Variants in DENND5A observed in about 807,000 individuals in gnomAD.
DENND5A encodes DENN domain-containing protein 5A.
In DENND5A, 64 loss-of-function variants were observed where a neutral mutation model predicts 140.3. That is an observed-to-expected ratio of 0.46 (90% CI 0.37 to 0.56). The LOEUF is 0.56. DENND5A is among the 20% of genes least tolerant of loss of function. The pLI is 0.00. For synonymous variants in DENND5A, 605 were observed against 607.7 expected, an observed-to-expected ratio of 1.00 and a Z score of 0.07; for missense variants, 1,292 against 1,593.8, an observed-to-expected ratio of 0.81 and a Z score of 3.22.
At chr11:9,244,264 A>C (rs1851369531) in intron 1 of DENND5A, among the ~76,000 whole-genome samples, 1 of 152,244 alleles carries the variant, frequency 6.6e-6, no homozygotes, top group African/African-American at 2.4e-5. Flanking sequence ...AGGTGTTGCC[A>C]ATGTGATAGT....
chr11:9,148,323 T>C (rs1847498838), intron 15 of DENND5A, among the ~76,000 whole-genome samples: 1 of 151,176 alleles, frequency 6.6e-6, no homozygotes, highest in Admixed American at 6.6e-5. Context: ...GTTAAGCTAC[T>C]GTACCAAAGG....
chr11:9,145,963 G>A, intron 16 of DENND5A, 148 bp from the exon 17 acceptor site: 1 of 831,614 alleles, frequency 1.2e-6, no homozygotes, highest in Non-Finnish European at 1.9e-6. Flanking sequence ...AGGGCCCCAG[G>A]ACCTAGTCCC....
chr11:9,139,684 C>G lies in DENND5A; in HGVS notation c.3851G>C (p.Gly1284Ala), dbSNP rs1245909183. 3 of 1,613,498 alleles carry G rather than the reference C, an allele frequency of 1.9e-6. No homozygotes were observed. The highest frequency in any genetic ancestry group is 2.5e-6 in the Non-Finnish European group (3 of 1,179,786). Reference sequence around the variant, plus strand: ...GGTGCTGGGAGGTCAGATGTCGATGCCCTTGACAAGGGACGTCTCCAGCGT... The same window carrying G: ...GGTGCTGGGAGGTCAGATGTCGATGGCCTTGACAAGGGACGTCTCCAGCGT... ...NITLETSLVKGIDI is the reference protein window; with the variant it reads ...NITLETSLVKAIDI The change falls in exon 23 of 23, where the codon GGC (glycine) becomes GCC (alanine). Residue 1284 changes from glycine to alanine, a missense_variant. Gly to Ala is a moderately conservative substitution (Grantham distance 60, BLOSUM62 0). Transcript: ENST00000328194.
At chr11:9,222,427 T>C (rs949762754) in intron 1 of DENND5A, among the ~76,000 whole-genome samples, 3 of 152,194 alleles carry the variant, frequency 2.0e-5, no homozygotes, top group African/African-American at 7.2e-5. Flanking sequence ...TTGAAACCTT[T>C]TAGATCACTA....
At chr11:9,216,785 T>C (rs1478816911) in intron 1 of DENND5A, among the ~76,000 whole-genome samples, 2 of 152,160 alleles carry the variant, frequency 1.3e-5, no homozygotes, top group African/African-American at 2.4e-5. Flanking sequence ...GGTGGAGGGA[T>C]TGCTTGAGCC....
chr11:9,163,148 C>G (rs1848047517), intron 11 of DENND5A, among the ~76,000 whole-genome samples: 1 of 152,168 alleles, frequency 6.6e-6, no homozygotes, highest in Non-Finnish European at 1.5e-5. Flanking sequence ...GATTGGCTTT[C>G]TCAACTGATT....
intron 3 of DENND5A, 129 bp downstream of exon 3, chr11:9,206,544 A>G: frequency 1.4e-6 from 1 of 699,716 alleles, no homozygotes; most frequent in Non-Finnish European, 2.5e-6. Context: ...AATAAACAAT[A>G]TGCATTATAA....
intron 1 of DENND5A, among the ~76,000 whole-genome samples, chr11:9,263,303 C>T (rs1247596841): frequency 6.6e-6 from 1 of 151,548 alleles, no homozygotes; most frequent in Non-Finnish European, 1.5e-5. Context: ...TCACTGCAAC[C>T]TCCCCCTCCT....
intron 5 of DENND5A, among the ~76,000 whole-genome samples, chr11:9,181,614 T>C (rs556923408): frequency 2.6e-5 from 4 of 152,172 alleles, no homozygotes; most frequent in South Asian, 4.2e-4. Context: ...GGCATGCACC[T>C]ACAGTCCCAG....
chr11:9,176,553 TG>T (rs1848551102), intron 8 of DENND5A, among the ~76,000 whole-genome samples: 1 of 152,138 alleles, frequency 6.6e-6, no homozygotes, highest in Non-Finnish European at 1.5e-5. Flanking sequence ...GCCAGAAGAA[TG>T]GGGGTAAGAA....
Position 9,230,302 on chromosome 11 carries a change from G to A in DENND5A, c.110-22670C>T, listed in dbSNP as rs540379482. Among the ~76,000 whole-genome samples, 5 of 124,930 alleles carry A rather than the reference G, an allele frequency of 4.0e-5. No homozygotes were observed. In the South Asian group the frequency reaches 7.9e-4, roughly 20 times the overall value. The allele number at this position is 124,930 out of a possible 152,430, so 82.0% of individuals were successfully genotyped here. A position where few individuals can be genotyped will look rare whatever the true frequency, so the allele number is the denominator to read the frequency against. On this transcript the variant is annotated intron_variant, in intron 1 of 22. Coordinates refer to ENST00000328194, the MANE Select transcript of DENND5A (RefSeq NM_015213.4). ...TTCACCCAGGCCAAAGTGCAGTGGTGCAAACAGAGCTCACTACAATCTCAA... is the reference window on the plus strand; with the variant it reads ...TTCACCCAGGCCAAAGTGCAGTGGTACAAACAGAGCTCACTACAATCTCAA...
chr11:9,205,289 A>C (rs1398140529), intron 3 of DENND5A, among the ~76,000 whole-genome samples: 1 of 152,204 alleles, frequency 6.6e-6, no homozygotes, highest in Non-Finnish European at 1.5e-5. Flanking sequence ...TGAATCAATC[A>C]GTTCCCATTT....
Position 9,144,098 on chromosome 11 carries a change from G to A in DENND5A, c.3303C>T (p.Pro1101=). 5.6e-6 allele frequency: 9 copies of A among 1,612,656 alleles called. No individual in the cohort carries two copies. Among genetic ancestry groups the A allele is most frequent in the Non-Finnish European group, 7.6e-6 (9 of 1,179,330 alleles). The change falls in exon 19 of 23, where the codon CCC becomes CCT. Residue 1101 remains proline (P), a splice_region_variant and synonymous_variant. Transcript: ENST00000328194. The part of the protein sequence containing the change: ...RLVTISPNNK[P]KLNTGQIQES... ...GGCCCAACCCCTCCTCCCACTTACT[G>A]GGCTTGTTGTTGGGTGAGATGGTAA...
At chr11:9,211,027 C>G (rs372070046) in intron 1 of DENND5A, among the ~76,000 whole-genome samples, 4 of 152,222 alleles carry the variant, frequency 2.6e-5, no homozygotes, top group African/African-American at 9.6e-5. Context: ...AATTAAAAAG[C>G]AAGAAGATTC....
rs908096730 is a variant in DENND5A, at chr11:9,218,914, G to C, written c.110-11282C>G. ...CCAGCTACTTGGGAGGCTGAGGCAG[G>C]AGAATCGCTTGAACCCGGGAGGTGG... On this transcript the variant is annotated intron_variant, in intron 1 of 22. Coordinates refer to ENST00000328194, the MANE Select transcript of DENND5A (RefSeq NM_015213.4). Among the ~76,000 whole-genome samples the C allele has an allele frequency of 2.6e-5, 4 of 152,214 alleles. No homozygotes were observed. The East Asian group carries it at 7.7e-4, about 29-fold the overall frequency.
At position 9,238,879 on chromosome 11, in the gene DENND5A, T is replaced by C. The variant is rs1218294627; in HGVS notation, c.109+26082A>G. ...TAATTTTCACTCTTGTTGCCCAGGA[T>C]GGAGTGCAGTGGCTTGATCTCGGCT... On this transcript the variant is annotated intron_variant, in intron 1 of 22. Transcript: ENST00000328194. Among the ~76,000 whole-genome samples, 8 of 151,180 alleles carry C rather than the reference T, an allele frequency of 5.3e-5. No individual in the cohort carries two copies. In the East Asian group the frequency reaches 1.6e-3, roughly 29 times the overall value.
In DENND5A at chr11:9,202,798, C is replaced by A. The variant is rs550628800; in HGVS notation, c.949+862G>T. On this transcript the variant is annotated intron_variant, in intron 4 of 22. Coordinates refer to ENST00000328194, the MANE Select transcript of DENND5A (RefSeq NM_015213.4). The stretch of plus-strand genomic sequence containing the variant: ...TTAGACCGTTTATACTTCCTGTGCC[C>A]TTTGCCTGGAATACTTTTCCTACAG... Among the ~76,000 whole-genome samples, 18 of 152,256 alleles carry A rather than the reference C, an allele frequency of 1.2e-4. 2 individuals are homozygous for A. The South Asian group carries it at 3.5e-3, about 30-fold the overall frequency.
chr11:9,264,620 A>G (rs1338223780), intron 1 of DENND5A, among the ~76,000 whole-genome samples: 1 of 151,870 alleles, frequency 6.6e-6, no homozygotes, highest in African/African-American at 2.4e-5. Context: ...AGGACGTGGG[A>G]CGCCTTCCCT....
At chr11:9,262,168 C>CT (rs1195287358) in intron 1 of DENND5A, among the ~76,000 whole-genome samples, 1 of 152,088 alleles carries the variant, frequency 6.6e-6, no homozygotes, top group East Asian at 1.9e-4. Context: ...TATTTACATT[C>CT]TTTTTTTATA....
Sources: gnomAD v4.1 joint callset for allele counts (sites outside exome capture counted in the v4.1 genomes callset) on GRCh38, gnomAD v4.1.1 for gene constraint, MANE v1.5 for transcripts, NCBI Gene and HGNC (gene_info 2026-07-23, HGNC 2026-07-21) for gene names.